The following SLC25A21 variants were observed in gnomAD, a reference collection of about 807,000 sequenced individuals.
The protein encoded by SLC25A21 is mitochondrial 2-oxodicarboxylate carrier.
SLC25A21 carries 47 observed loss-of-function variants against 43.8 expected under a neutral mutation model. That is an observed-to-expected ratio of 1.07 (90% CI 0.85 to 1.37). The LOEUF (loss-of-function observed/expected upper bound fraction) is 1.37, where lower values mean the gene tolerates loss of function less well. Ranked by LOEUF, SLC25A21 falls within the 40% of genes most tolerant of loss-of-function variation. The pLI is 0.00. For missense variants in SLC25A21, 352 were observed against 350.2 expected (o/e 1.00, Z -0.04); for synonymous variants, 131 against 121.3 (o/e 1.08, Z -0.52).
chr14:36,797,287 G>T (rs1339451676), intron 3 of SLC25A21, among the ~76,000 whole-genome samples: 1 of 152,042 alleles, frequency 6.6e-6, no homozygotes, highest in Non-Finnish European at 1.5e-5. Context: ...GATTTTTTAA[G>T]ACCTTTCAAA....
At chr14:36,720,815 C>T (rs1884341723) in intron 6 of SLC25A21, among the ~76,000 whole-genome samples, 1 of 152,212 alleles carries the variant, frequency 6.6e-6, no homozygotes, top group South Asian at 2.1e-4. Flanking sequence ...AGATATCCAG[C>T]TACTGCTATT....
chr14:36,867,733 C>A (rs551018587), intron 2 of SLC25A21, among the ~76,000 whole-genome samples: 1 of 152,224 alleles, frequency 6.6e-6, no homozygotes, highest in South Asian at 2.1e-4. Context: ...CCTGTAGACT[C>A]CATTTGTCTT....
intron 1 of SLC25A21, among the ~76,000 whole-genome samples, chr14:36,924,751 T>G (rs1294691277): frequency 6.6e-6 from 1 of 152,180 alleles, no homozygotes; most frequent in East Asian, 1.9e-4. Flanking sequence ...TACATAGTAT[T>G]TACACTAACT....
intron 1 of SLC25A21, among the ~76,000 whole-genome samples, chr14:37,043,940 G>GTTTTTTTTTTTTTTTTTTTTTTTTTT (rs59081965): frequency 1.8e-5 from 1 of 56,768 alleles, no homozygotes; most frequent in Non-Finnish European, 3.6e-5. Context: ...ATGTTTTTTT[G>GTTTTTTTTTTTTTTTTTTTTTTTTTT]TTTTTTTTTT....
intron 1 of SLC25A21, among the ~76,000 whole-genome samples, chr14:36,936,945 A>G (rs375310492): frequency 2.6e-5 from 4 of 152,132 alleles, no homozygotes; most frequent in East Asian, 3.9e-4. Context: ...ATAACAGTGT[A>G]CCTGGAGCCA....
intron 3 of SLC25A21, chr14:36,808,872 G>A (rs1246431611): frequency 6.6e-6 from 1 of 152,102 alleles, no homozygotes; most frequent in East Asian, 1.9e-4. Context: ...CTTATTTCAG[G>A]AAGAATGGCC....
At chr14:36,750,984 T>C (rs1885686011) in intron 3 of SLC25A21, among the ~76,000 whole-genome samples, 1 of 152,232 alleles carries the variant, frequency 6.6e-6, no homozygotes, top group Non-Finnish European at 1.5e-5. Flanking sequence ...CCATGATCAC[T>C]GACTACTAGT....
chr14:36,951,205 A>G (rs896148036), intron 1 of SLC25A21, among the ~76,000 whole-genome samples: 1 of 150,726 alleles, frequency 6.6e-6, no homozygotes, highest in African/African-American at 2.5e-5. Context: ...GCAATAGTTT[A>G]ACAATAGTTT....
chr14:36,735,933 T>C (rs1203225379), intron 3 of SLC25A21, among the ~76,000 whole-genome samples: 1 of 131,792 alleles, frequency 7.6e-6, no homozygotes, highest in Non-Finnish European at 1.6e-5. Context: ...GGCCACAATT[T>C]TTTTTTTTTT....
chr14:37,023,704 G>T (rs915302131), intron 1 of SLC25A21, among the ~76,000 whole-genome samples: 2 of 151,582 alleles, frequency 1.3e-5, no homozygotes, highest in Non-Finnish European at 2.9e-5. Context: ...AATATTCTTT[G>T]CTCCTACTTA....
intron 1 of SLC25A21, among the ~76,000 whole-genome samples, chr14:37,071,503 C>G (rs1962168508): frequency 6.6e-6 from 1 of 152,174 alleles, no homozygotes; most frequent in African/African-American, 2.4e-5. Flanking sequence ...ACAGAAGCAG[C>G]CCTGAGCTAG....
intron 3 of SLC25A21, among the ~76,000 whole-genome samples, chr14:36,760,651 T>C (rs559799958): frequency 1.1e-4 from 17 of 152,292 alleles, no homozygotes; most frequent in African/African-American, 4.1e-4. Flanking sequence ...GTCAGAGATA[T>C]AGGAGAGCAA....
chr14:36,850,944 T>C (rs753147036), intron 2 of SLC25A21, among the ~76,000 whole-genome samples: 1 of 152,242 alleles, frequency 6.6e-6, no homozygotes, highest in Non-Finnish European at 1.5e-5. Context: ...TACCTATTCT[T>C]TTCCTCTACT....
intron 1 of SLC25A21, among the ~76,000 whole-genome samples, chr14:36,905,355 A>T (rs1242421495): frequency 6.6e-6 from 1 of 152,180 alleles, no homozygotes; most frequent in Non-Finnish European, 1.5e-5. Flanking sequence ...TAGAGGGCCA[A>T]CTTTCTCAAT....
intron 1 of SLC25A21, among the ~76,000 whole-genome samples, chr14:36,970,485 T>A (rs1350142174): frequency 6.6e-6 from 1 of 152,204 alleles, no homozygotes; most frequent in African/African-American, 2.4e-5. Flanking sequence ...ATTACTAGTA[T>A]AATAAATCTA....
intron 3 of SLC25A21, among the ~76,000 whole-genome samples, chr14:36,748,642 A>C (rs1253424373): frequency 2.0e-5 from 3 of 152,184 alleles, no homozygotes; most frequent in Non-Finnish European, 4.4e-5. Flanking sequence ...GATTCAAAAC[A>C]CTTGAAAAAC....
In SLC25A21 at chr14:37,062,072, C is replaced by T. The variant is rs183423162; in HGVS notation, c.70+110209G>A. Among the ~76,000 whole-genome samples the T allele has an allele frequency of 1.7e-4, 26 of 152,322 alleles. 2 individuals are homozygous for T. In the East Asian group the frequency reaches 5.0e-3, roughly 29 times the overall value. ...ATCCACTGATAGGTTCTGCTACATG[C>T]AGAGTAGCTGTGGCAGTCTAAATAA... is the stretch of plus-strand genomic sequence containing the variant. On this transcript the variant is annotated intron_variant, in intron 1 of 9. Coordinates refer to ENST00000331299, the MANE Select transcript of SLC25A21 (RefSeq NM_030631.4).
At chr14:36,800,067 T>C (rs950968443) in intron 3 of SLC25A21, among the ~76,000 whole-genome samples, 1 of 152,144 alleles carries the variant, frequency 6.6e-6, no homozygotes, top group Non-Finnish European at 1.5e-5. Context: ...CCATTTGAAT[T>C]CTTTTTTTTA....
intron 1 of SLC25A21, among the ~76,000 whole-genome samples, chr14:37,136,168 C>CTGTA (rs910044978): frequency 2.0e-4 from 30 of 152,278 alleles, no homozygotes; most frequent in African/African-American, 7.0e-4. Context: ...GATCTCCTGA[C>CTGTA]TGTACTCTAG....
Sources: allele counts gnomAD v4.1 joint callset (sites outside exome capture counted in the v4.1 genomes callset), GRCh38; gene constraint gnomAD v4.1.1; transcripts MANE v1.5; gene names NCBI Gene and HGNC (gene_info 2026-07-23, HGNC 2026-07-21).